Variants in COL5A3 observed in about 807,000 individuals in gnomAD.
The protein encoded by COL5A3 is collagen alpha-3(V) chain.
In COL5A3, 172 loss-of-function variants were observed where a neutral mutation model predicts 250.0. The observed-to-expected ratio is 0.69, with a 90% CI of 0.61 to 0.78. The LOEUF (loss-of-function observed/expected upper bound fraction) is 0.78. Ranked by LOEUF, COL5A3 falls within the 30% of genes least tolerant of loss-of-function variation. COL5A3 has a pLI of 0.00. For missense variants in COL5A3, 2,340 were observed against 2,334.4 expected (o/e 1.00, Z -0.05); for synonymous variants, 937 against 900.4 (o/e 1.04, Z -0.73).
At chr19:9,985,812 C>T (rs994721843) in intron 31 of COL5A3, 30 bp downstream of exon 31, 3 of 1,598,890 alleles carry the variant, frequency 1.9e-6, no homozygotes, top group Non-Finnish European at 2.6e-6. Flanking sequence ...TGCCCATATC[C>T]ATCTCCACCC....
intron 64 of COL5A3, among the ~76,000 whole-genome samples, 199 bp downstream of exon 64, chr19:9,966,115 T>A (rs1205601422): frequency 1.3e-5 from 2 of 152,218 alleles, no homozygotes; most frequent in Non-Finnish European, 1.5e-5. Context: ...TATAGGCATG[T>A]GCCACCAGGC....
At chr19:9,971,713 C>T (rs2145071816) in intron 51 of COL5A3, among the ~76,000 whole-genome samples, 1 of 152,260 alleles carries the variant, frequency 6.6e-6, no homozygotes, top group East Asian at 1.9e-4. Flanking sequence ...GACAGAAGGG[C>T]CTCAACCTTC....
Position 9,993,437 on chromosome 19 carries a change from G to T in COL5A3, c.1696-4C>A. On this transcript the variant is annotated splice_region_variant and splice_polypyrimidine_tract_variant and intron_variant, in intron 18 of 66. Transcript: ENST00000264828. ...GCCCCACATGGCCAAAGTCACCCTG[G>T]AGAGGGAACAGAGGGGAGTTCAGAG... 2 of 1,614,134 alleles carry T rather than the reference G, an allele frequency of 1.2e-6. No individual in the cohort carries two copies. Among genetic ancestry groups the T allele is most frequent in the Non-Finnish European group, 1.7e-6 (2 of 1,179,996 alleles).
At position 9,993,853 on chromosome 19, in the gene COL5A3, C is replaced by G. The variant is rs552760492; in HGVS notation, c.1588-47G>C. On this transcript the variant is annotated intron_variant, in intron 16 of 66. Coordinates refer to ENST00000264828, the MANE Select transcript of COL5A3 (RefSeq NM_015719.4). ...GAGTCAAGGATGAGCCTTCCCTGTA[C>G]CCCTCCACCAAATTAGGAACCCAAC... 1.4e-5 allele frequency: 22 copies of G among 1,541,358 alleles called. No homozygotes were observed. In the Middle Eastern group the frequency reaches 1.0e-3, roughly 72 times the overall value.
chr19:9,971,605 T>C (rs772905080), intron 51 of COL5A3, among the ~76,000 whole-genome samples: 5 of 151,896 alleles, frequency 3.3e-5, no homozygotes, highest in Non-Finnish European at 5.9e-5. Context: ...ATTCATACAC[T>C]CAGAGAAGGG....
chr19:9,960,237 ACCCCAGC>A lies in COL5A3; in HGVS notation c.*167_*173del, dbSNP rs1297034145. On this transcript the variant is annotated 3_prime_UTR_variant, in exon 67 of 67. Transcript: ENST00000264828. Reference sequence around the variant, plus strand: ...GGAGGCTGGACCCTTGGGCCAGGGAACCCCAGCCCCCAGCACCCTGGAAAGGAGAAGG... The same window carrying A: ...GGAGGCTGGACCCTTGGGCCAGGGAACCCCAGCACCCTGGAAAGGAGAAGG... 2 of 771,720 alleles carry A rather than the reference ACCCCAGC, an allele frequency of 2.6e-6. No individual in the cohort carries two copies. Among genetic ancestry groups the A allele is most frequent in the East Asian group, 5.4e-5 (2 of 36,840 alleles). The allele number at this position is 771,720 out of a possible 1,614,324, so 47.8% of individuals were successfully genotyped here.
chr19:9,989,533 A>G lies in COL5A3; in HGVS notation c.1993-11T>C. 6.2e-7 allele frequency: 1 copy of G among 1,609,292 alleles called. No homozygotes were observed. Reference sequence around the variant, plus strand: ...GTTTCCAGGGGGACCCTGAAAGAAGATGAACAGCAGGGGAGAGACAGAGGT... The same window carrying G: ...GTTTCCAGGGGGACCCTGAAAGAAGGTGAACAGCAGGGGAGAGACAGAGGT... On this transcript the variant is annotated splice_polypyrimidine_tract_variant and intron_variant, in intron 24 of 66. Transcript: ENST00000264828.
In COL5A3 at chr19:9,980,622, A is replaced by G. The variant is rs765122404; in HGVS notation, c.2604+26T>C. On this transcript the variant is annotated intron_variant, in intron 35 of 66. Coordinates refer to ENST00000264828, the MANE Select transcript of COL5A3 (RefSeq NM_015719.4). ...CTCTCTCACACACACACACATTCAC[A>G]CACACACACACACACACACACTCAC... is the stretch of plus-strand genomic sequence containing the variant. 8.5e-5 allele frequency: 83 copies of G among 978,590 alleles called. No individual in the cohort carries two copies. The East Asian group carries it at 2.5e-3, about 29-fold the overall frequency. 60.6% of individuals were successfully genotyped at this position (978,590 alleles called of 1,614,324 possible). A position where few individuals can be genotyped will look rare whatever the true frequency, so the allele number is the denominator to read the frequency against.
At chr19:9,995,542 TG>T in intron 16 of COL5A3, 21 bp downstream of exon 16, 1 of 1,603,782 alleles carries the variant, frequency 6.2e-7, no homozygotes, top group Non-Finnish European at 8.5e-7. Context: ...AGGGGTGGTC[TG>T]GGGACCTAGC....
intron 32 of COL5A3, 43 bp downstream of exon 32, chr19:9,982,022 C>T (rs749384794): frequency 6.7e-7 from 1 of 1,487,888 alleles, no homozygotes; most frequent in South Asian, 1.1e-5. Flanking sequence ...CTGTTCCCCT[C>T]AGACAAGTTC....
At chr19:9,961,203 A>C (rs1320128153) in intron 65 of COL5A3, among the ~76,000 whole-genome samples, 1 of 151,102 alleles carries the variant, frequency 6.6e-6, no homozygotes, top group African/African-American at 2.4e-5. Context: ...CTCTGCCTCC[A>C]CTCTTGTGAG....
rs765731246 is a variant in COL5A3, at chr19:9,966,488, C to A, written c.4669+48G>T. ...GGGACCCGACGGACCCCAACCCCCC[C>A]CACACCCCCACTCCGCCCATCCAAG... On this transcript the variant is annotated intron_variant, in intron 63 of 66. Transcript: ENST00000264828. The A allele has an allele frequency of 4.9e-5, 77 of 1,556,960 alleles. No individual in the cohort carries two copies. In the Middle Eastern group the frequency reaches 7.9e-4, roughly 16 times the overall value.
chr19:9,986,042 G>A, intron 30 of COL5A3, 147 bp from the exon 31 acceptor site: 1 of 752,602 alleles, frequency 1.3e-6, no homozygotes. Context: ...CCTGCTAGGG[G>A]CATGTCCTTG....
intron 22 of COL5A3, 51 bp from the exon 23 acceptor site, chr19:9,991,892 G>T: frequency 6.3e-7 from 1 of 1,590,956 alleles, no homozygotes; most frequent in Non-Finnish European, 8.6e-7. Flanking sequence ...ATGGTGTTGG[G>T]GCGTTAGTGA....
chr19:9,978,497 C>A, intron 41 of COL5A3, 77 bp downstream of exon 41: 1 of 983,822 alleles, frequency 1.0e-6, no homozygotes, highest in East Asian at 2.5e-5. Context: ...TGGGTTTTAT[C>A]ATGACAATGT....
intron 65 of COL5A3, among the ~76,000 whole-genome samples, chr19:9,962,033 G>T (rs117042307): frequency 1.3e-5 from 2 of 152,062 alleles, no homozygotes; most frequent in East Asian, 1.9e-4. Context: ...CATTCAAATT[G>T]TGATGTACTA....
In COL5A3 at chr19:10,006,004, C is replaced by T; in HGVS notation, c.248-19G>A. The T allele has an allele frequency of 6.2e-7, 1 of 1,611,430 alleles. No individual in the cohort carries two copies. Among genetic ancestry groups the T allele is most frequent in the Non-Finnish European group, 8.5e-7 (1 of 1,177,900 alleles). On this transcript the variant is annotated intron_variant, in intron 2 of 66. Coordinates refer to ENST00000264828, the MANE Select transcript of COL5A3 (RefSeq NM_015719.4). ...TGGCCTTCTGGGTGGGCAGAGGGAA[C>T]AAGGCAGCTCAGAGGGCCCAGCAGT...
At chr19:9,970,095 CTGAGTGGAGGCTGTGGG>C (rs1421035327) in intron 54 of COL5A3, among the ~76,000 whole-genome samples, 173 bp from the exon 55 acceptor site, 4 of 9,904 alleles carry the variant, frequency 4.0e-4, no homozygotes, top group East Asian at 3.4e-3. Flanking sequence ...GGGGCTGTGG[CTGAGTGGAGGCTGTGGG>C]TGAGTGGAGG....
intron 16 of COL5A3, 83 bp downstream of exon 16, chr19:9,995,481 G>A: frequency 8.0e-7 from 1 of 1,254,542 alleles, no homozygotes; most frequent in South Asian, 1.5e-5. Flanking sequence ...GACACCAGCA[G>A]ACCCCAAGGT....
Sources: gnomAD v4.1 joint callset for allele counts (sites outside exome capture counted in the v4.1 genomes callset) on GRCh38, gnomAD v4.1.1 for gene constraint, MANE v1.5 for transcripts, NCBI Gene and HGNC (gene_info 2026-07-23, HGNC 2026-07-21) for gene names.